CNTNAP2: variants seen among roughly 807,000 people sequenced by gnomAD.
CNTNAP2 encodes the protein contactin-associated protein-like 2.
A neutral mutation model predicts 155.2 loss-of-function variants in CNTNAP2; 98 were observed. That is an observed-to-expected ratio of 0.63 (90% CI 0.54 to 0.75). The LOEUF (loss-of-function observed/expected upper bound fraction) is 0.75. Among genes scored for constraint, CNTNAP2 ranks in the 30% least tolerant of loss-of-function variants. The pLI is 0.00. For synonymous variants in CNTNAP2, 651 were observed against 631.2 expected (o/e 1.03, Z -0.47); for missense variants, 1,727 against 1,688.1 (o/e 1.02, Z -0.40).
intron 15 of CNTNAP2, among the ~76,000 whole-genome samples, chr7:148,062,028 AGTGTGTGTGTGTGTGTGTGTGTGTGT>A (rs199528714): frequency 9.4e-5 from 10 of 105,976 alleles, no homozygotes; most frequent in African/African-American, 3.5e-4. Flanking sequence ...AGAGAGAGAG[AGTGTGTGTGTGTGTGTGTGTGTGTGT>A]GTGTGTGTGT....
intron 15 of CNTNAP2, among the ~76,000 whole-genome samples, chr7:147,995,499 T>C (rs962751731): frequency 3.3e-5 from 5 of 150,480 alleles, no homozygotes; most frequent in Non-Finnish European, 5.9e-5. Flanking sequence ...CACTTCCACC[T>C]GGCTTTGTCC....
intron 21 of CNTNAP2, among the ~76,000 whole-genome samples, chr7:148,353,362 G>A (rs1798460630): frequency 6.6e-6 from 1 of 152,190 alleles, no homozygotes; most frequent in Non-Finnish European, 1.5e-5. Flanking sequence ...ATTCTGGAAT[G>A]ATTCATTCCC....
intron 13 of CNTNAP2, among the ~76,000 whole-genome samples, chr7:147,862,373 C>T (rs1799151064): frequency 6.9e-6 from 1 of 145,354 alleles, no homozygotes; most frequent in Non-Finnish European, 1.5e-5. Context: ...TATCCAAGAC[C>T]ATCCGAAATC....
At chr7:146,714,043 A>T (rs1035462817) in intron 1 of CNTNAP2, among the ~76,000 whole-genome samples, 10 of 152,172 alleles carry the variant, frequency 6.6e-5, no homozygotes, top group Admixed American at 2.6e-4. Context: ...TATTCTTATT[A>T]TTCTTTTATA....
chr7:146,375,359 G>T (rs1795290779), intron 1 of CNTNAP2, among the ~76,000 whole-genome samples: 1 of 152,220 alleles, frequency 6.6e-6, no homozygotes, highest in Non-Finnish European at 1.5e-5. Context: ...GACCAGAGCA[G>T]ACTCACCCAA....
chr7:147,939,833 G>C (rs1394339451), intron 14 of CNTNAP2, among the ~76,000 whole-genome samples: 3 of 151,978 alleles, frequency 2.0e-5, no homozygotes, highest in Non-Finnish European at 4.4e-5. Context: ...GATTTGTAAA[G>C]AAAGGTAAAT....
chr7:147,817,844 G>A (rs984936984), intron 13 of CNTNAP2, among the ~76,000 whole-genome samples: 26 of 149,734 alleles, frequency 1.7e-4, no homozygotes, highest in Admixed American at 1.4e-3. Context: ...GGTGGATCTT[G>A]CAGTGAGCTG....
chr7:146,165,012 T>C (rs891785034), intron 1 of CNTNAP2, among the ~76,000 whole-genome samples: 1 of 152,302 alleles, frequency 6.6e-6, no homozygotes, highest in East Asian at 1.9e-4. Flanking sequence ...TTTGTATATA[T>C]TTCTGTGAAC....
Position 146,337,579 on chromosome 7 carries a change from C to T in CNTNAP2, c.97+220606C>T, listed in dbSNP as rs561683309. ...GCTCATGTGATACTCCAACCTCAGC[C>T]TCCTGAGTGGCTGGGACCACTGGAA... is the stretch of plus-strand genomic sequence containing the variant. On this transcript the variant is annotated intron_variant, in intron 1 of 23. Transcript: ENST00000361727. 6.6e-5 allele frequency among the ~76,000 whole-genome samples: 10 copies of T among 152,292 alleles called. No individual in the cohort carries two copies. The East Asian group carries it at 1.9e-3, about 29-fold the overall frequency.
At chr7:147,349,251 A>G (rs533594640) in intron 9 of CNTNAP2, among the ~76,000 whole-genome samples, 1 of 152,066 alleles carries the variant, frequency 6.6e-6, no homozygotes, top group Non-Finnish European at 1.5e-5. Flanking sequence ...TTTCATGAAT[A>G]GGTACACTTA....
chr7:148,292,847 C>T (rs932139203), intron 21 of CNTNAP2, among the ~76,000 whole-genome samples: 1 of 152,146 alleles, frequency 6.6e-6, no homozygotes, highest in African/African-American at 2.4e-5. Flanking sequence ...ACTTCCTCTG[C>T]CCTACACTGG....
At chr7:147,740,583 C>G (rs1796940961) in intron 13 of CNTNAP2, among the ~76,000 whole-genome samples, 1 of 152,100 alleles carries the variant, frequency 6.6e-6, no homozygotes, top group Non-Finnish European at 1.5e-5. Context: ...TCAGTTAGTC[C>G]AAGGTAGGGT....
intron 21 of CNTNAP2, among the ~76,000 whole-genome samples, chr7:148,281,727 C>A (rs186373373): frequency 1.3e-4 from 20 of 152,046 alleles, no homozygotes; most frequent in African/African-American, 3.9e-4. Context: ...TCATAGGAGG[C>A]CCTAAGAAAT....
intron 14 of CNTNAP2, among the ~76,000 whole-genome samples, chr7:147,976,374 C>T (rs1360529279): frequency 6.6e-6 from 1 of 152,078 alleles, no homozygotes; most frequent in Non-Finnish European, 1.5e-5. Flanking sequence ...GCTTTGTTTC[C>T]TCTTTGGCAT....
At chr7:146,198,920 A>C (rs540921453) in intron 1 of CNTNAP2, among the ~76,000 whole-genome samples, 2 of 152,256 alleles carry the variant, frequency 1.3e-5, no homozygotes, top group Non-Finnish European at 2.9e-5. Flanking sequence ...CTATTCTTTC[A>C]AGAATTATCT....
intron 13 of CNTNAP2, among the ~76,000 whole-genome samples, chr7:147,876,385 AT>A (rs772702411): frequency 4.7e-4 from 72 of 152,242 alleles, no homozygotes; most frequent in Admixed American, 1.7e-3. Context: ...AAACGTTTAA[AT>A]GTATATTGCT....
chr7:146,761,303 A>G (rs1802093720), intron 1 of CNTNAP2, among the ~76,000 whole-genome samples: 2 of 128,752 alleles, frequency 1.6e-5, no homozygotes, highest in African/African-American at 3.8e-5. Context: ...GGAAGGAAGG[A>G]AGGAAGGAAG....
At chr7:147,159,014 A>G (rs1017755966) in intron 8 of CNTNAP2, among the ~76,000 whole-genome samples, 5 of 152,116 alleles carry the variant, frequency 3.3e-5, no homozygotes, top group Non-Finnish European at 7.4e-5. Flanking sequence ...AGGAAGTAAC[A>G]TTTGATCTGA....
intron 1 of CNTNAP2, among the ~76,000 whole-genome samples, chr7:146,499,647 T>A (rs1396285004): frequency 6.6e-6 from 1 of 151,858 alleles, no homozygotes; most frequent in Non-Finnish European, 1.5e-5. Flanking sequence ...TGTGCCCATA[T>A]ATTATCATTG....
Sources: allele counts gnomAD v4.1 joint callset (sites outside exome capture counted in the v4.1 genomes callset), GRCh38; gene constraint gnomAD v4.1.1; transcripts MANE v1.5; gene names NCBI Gene and HGNC (gene_info 2026-07-23, HGNC 2026-07-21).